LRBA: variants seen among roughly 807,000 people sequenced by gnomAD.
LRBA encodes the protein lipopolysaccharide-responsive and beige-like anchor protein.
Under a neutral mutation model 330.0 loss-of-function variants are expected in LRBA, and 176 were observed. The ratio of observed to expected loss-of-function variants is 0.53; its 90% CI spans 0.47 to 0.60. The LOEUF (loss-of-function observed/expected upper bound fraction) is 0.60, where lower values mean the gene tolerates loss of function less well. LRBA is among the 20% of genes least tolerant of loss of function. The probability of loss-of-function intolerance (pLI) is 0.00; values close to 1 mark genes in which losing one functional copy is unlikely to be tolerated. For synonymous variants in LRBA, 1,230 were observed against 1,193.0 expected (o/e 1.03, Z -0.64); for missense variants, 3,259 against 3,444.8 (o/e 0.95, Z 1.35).
chr4:150,810,254 G>T (rs1191895054), intron 31 of LRBA, among the ~76,000 whole-genome samples: 1 of 152,120 alleles, frequency 6.6e-6, no homozygotes, highest in Non-Finnish European at 1.5e-5. Context: ...AACAAGCTTG[G>T]TTCCTTTTGG....
At chr4:150,412,186 G>T (rs1361413071) in intron 47 of LRBA, among the ~76,000 whole-genome samples, 1 of 152,146 alleles carries the variant, frequency 6.6e-6, no homozygotes, top group Non-Finnish European at 1.5e-5. Context: ...CATTTGAATT[G>T]CAGTGATTTT....
intron 40 of LRBA, chr4:150,579,453 T>C (rs968418317): frequency 2.4e-5 from 10 of 408,578 alleles, no homozygotes; most frequent in Admixed American, 2.0e-4. Flanking sequence ...ATGTTTCTAA[T>C]TAGTACCACG....
intron 36 of LRBA, among the ~76,000 whole-genome samples, chr4:150,700,834 T>C (rs1785051587): frequency 6.6e-6 from 1 of 151,548 alleles, no homozygotes; most frequent in African/African-American, 2.4e-5. Context: ...CACAGCTAAC[T>C]ACAGCCTCAA....
chr4:150,639,753 A>ATGTGTGTG (rs755120231), intron 37 of LRBA, among the ~76,000 whole-genome samples: 2 of 26,386 alleles, frequency 7.6e-5, no homozygotes, highest in East Asian at 1.5e-3. Context: ...ATATATATAT[A>ATGTGTGTG]TATATATATA....
intron 2 of LRBA, among the ~76,000 whole-genome samples, chr4:150,944,731 G>T (rs1420579062): frequency 1.3e-5 from 2 of 152,150 alleles, no homozygotes; most frequent in African/African-American, 4.8e-5. Flanking sequence ...TTGTACTCTG[G>T]CATGACTCTA....
At chr4:150,774,083 T>G (rs1321359534) in intron 34 of LRBA, among the ~76,000 whole-genome samples, 1 of 152,198 alleles carries the variant, frequency 6.6e-6, no homozygotes, top group East Asian at 1.9e-4. Context: ...CATCTTTCTA[T>G]CTTAGAAAAA....
chr4:150,265,452 A>ATGTT lies in LRBA; in HGVS notation c.*266_*269dup, dbSNP rs1218594723. The ATGTT allele has an allele frequency of 3.9e-5, 12 of 305,608 alleles. No individual in the cohort carries two copies. Among genetic ancestry groups the ATGTT allele is most frequent in the African/African-American group, 1.7e-4 (8 of 47,450 alleles). The allele number at this position is 305,608 out of a possible 1,614,324, so 18.9% of individuals were successfully genotyped here. On this transcript the variant is annotated 3_prime_UTR_variant, in exon 57 of 57. Transcript: ENST00000651943. ...ATAAGTGGTTTACTTGCTCCACTGT[A>ATGTT]TGTTTCCATAATTGGTGAAAATAGA...
intron 34 of LRBA, among the ~76,000 whole-genome samples, chr4:150,771,841 G>A (rs1055095011): frequency 6.6e-6 from 1 of 152,142 alleles, no homozygotes; most frequent in Admixed American, 6.5e-5. Context: ...GCACTGGTGG[G>A]CGGCTGGGGA....
chr4:151,013,393 C>T (rs1002564316), intron 2 of LRBA: 2 of 152,166 alleles, frequency 1.3e-5, no homozygotes, highest in African/African-American at 4.8e-5. Context: ...CCAAGCCAGG[C>T]ACAATGGCGC....
intron 2 of LRBA, among the ~76,000 whole-genome samples, chr4:150,976,830 G>A (rs6852655): frequency 0.053 from 7,995 of 152,190 alleles, 632 homozygotes; most frequent in African/African-American, 0.18. Flanking sequence ...AGCGACTGTG[G>A]GATCCTGCAT....
At chr4:150,592,148 T>TTTG (rs1772944228) in intron 38 of LRBA, among the ~76,000 whole-genome samples, 1 of 137,968 alleles carries the variant, frequency 7.2e-6, no homozygotes, top group African/African-American at 2.7e-5. Flanking sequence ...GCTAGGGTTT[T>TTTG]TTTTTTTTTT....
At chr4:150,383,522 G>C (rs1340479724) in intron 47 of LRBA, among the ~76,000 whole-genome samples, 1 of 152,070 alleles carries the variant, frequency 6.6e-6, no homozygotes, top group Non-Finnish European at 1.5e-5. Flanking sequence ...CAAAGTGCTG[G>C]GGTTACAGGG....
chr4:150,448,010 C>T (rs1410354635), intron 44 of LRBA, among the ~76,000 whole-genome samples: 1 of 152,172 alleles, frequency 6.6e-6, no homozygotes, highest in Non-Finnish European at 1.5e-5. Context: ...AGTCCATTAA[C>T]CATGTATCCA....
chr4:150,923,451 C>G lies in LRBA; in HGVS notation c.550-2158G>C, dbSNP rs544806563. Among the ~76,000 whole-genome samples the G allele has an allele frequency of 1.1e-4, 17 of 152,300 alleles. No homozygotes were observed. In the South Asian group the frequency reaches 2.9e-3, roughly 26 times the overall value. On this transcript the variant is annotated intron_variant, in intron 4 of 56. Transcript: ENST00000651943. ...ACCCAGCCTTTAGAGCTCATCTTAACAGTCACTTCCTCAGGGTAGCCTTCC... is the reference window on the plus strand; with the variant it reads ...ACCCAGCCTTTAGAGCTCATCTTAAGAGTCACTTCCTCAGGGTAGCCTTCC...
At chr4:150,907,972 C>A (rs555764674) in intron 11 of LRBA, among the ~76,000 whole-genome samples, 1 of 151,756 alleles carries the variant, frequency 6.6e-6, no homozygotes, top group South Asian at 2.1e-4. Context: ...TAAATCATTA[C>A]CAAATAATTT....
chr4:150,809,850 A>AATACGATACG lies in LRBA; in HGVS notation c.5306-1462_5306-1453dup, dbSNP rs70941451. Among the ~76,000 whole-genome samples, 329 of 87,808 alleles carry AATACGATACG rather than the reference A, an allele frequency of 3.7e-3. 38 individuals are homozygous for AATACGATACG. The highest frequency in any genetic ancestry group is 9.1e-3 in the East Asian group (24 of 2,642). The allele number at this position is 87,808 out of a possible 152,430, so 57.6% of individuals were successfully genotyped here. A position where few individuals can be genotyped will look rare whatever the true frequency, so the allele number is the denominator to read the frequency against. On this transcript the variant is annotated intron_variant, in intron 31 of 56. Transcript: ENST00000651943. ...GTGACAAAGCAAGACCCTGTCTTAA[A>AATACGATACG]ATACGATACGATACGATACGATACG... is the stretch of plus-strand genomic sequence containing the variant.
intron 41 of LRBA, among the ~76,000 whole-genome samples, chr4:150,488,530 T>C (rs553331351): frequency 2.6e-5 from 4 of 151,588 alleles, no homozygotes; most frequent in African/African-American, 9.7e-5. Context: ...CATGTCAATA[T>C]GTAAACATAT....
chr4:150,369,637 G>T, intron 47 of LRBA, among the ~76,000 whole-genome samples: 1 of 151,908 alleles, frequency 6.6e-6, no homozygotes, highest in East Asian at 1.9e-4. Context: ...TACTTATGCA[G>T]AATTTTAACT....
intron 17 of LRBA, among the ~76,000 whole-genome samples, chr4:150,887,068 G>A (rs1729015305): frequency 6.6e-6 from 1 of 152,126 alleles, no homozygotes; most frequent in South Asian, 2.1e-4. Flanking sequence ...TTATATGCAT[G>A]TATTAATATA....
Sources: allele counts gnomAD v4.1 joint callset (sites outside exome capture counted in the v4.1 genomes callset), GRCh38; gene constraint gnomAD v4.1.1; transcripts MANE v1.5; gene names NCBI Gene and HGNC (gene_info 2026-07-23, HGNC 2026-07-21).